The following PTK7 variants were observed in gnomAD, a reference collection of about 807,000 sequenced individuals.
PTK7 encodes the protein inactive tyrosine-protein kinase 7.
Under a neutral mutation model 116.6 loss-of-function variants are expected in PTK7, and 39 were observed. The observed-to-expected ratio is 0.33, with a 90% CI of 0.26 to 0.44. PTK7 has a LOEUF of 0.44. Ranked by LOEUF, PTK7 falls within the 20% of genes least tolerant of loss-of-function variation. The probability of loss-of-function intolerance (pLI) is 1.00; values close to 1 mark genes in which losing one functional copy is unlikely to be tolerated. For missense variants in PTK7, 1,169 were observed against 1,425.6 expected (o/e 0.82, Z 2.90); for synonymous variants, 546 against 563.6 (o/e 0.97, Z 0.44).
chr6:43,129,574 T>C lies in PTK7; in HGVS notation c.368-153T>C. On this transcript the variant is annotated intron_variant, in intron 2 of 19. Transcript: ENST00000230419. The surrounding 1 kb of genome is among the most constrained non-coding windows in gnomAD (Gnocchi z 4.5). Reference sequence around the variant, plus strand: ...GACCAGGCAGGCACTTAGTATCTGGTAACTGTAGCCCCAGCCTCAGCCTCC... The same window carrying C: ...GACCAGGCAGGCACTTAGTATCTGGCAACTGTAGCCCCAGCCTCAGCCTCC... 1.4e-6 allele frequency: 1 copy of C among 710,914 alleles called. No individual in the cohort carries two copies. The highest frequency in any genetic ancestry group is 1.9e-5 in the South Asian group (1 of 54,010). The allele number at this position is 710,914 out of a possible 1,614,324, so 44.0% of individuals were successfully genotyped here. A position where few individuals can be genotyped will look rare whatever the true frequency, so the allele number is the denominator to read the frequency against.
intron 17 of PTK7, among the ~76,000 whole-genome samples, chr6:43,148,842 C>T (rs1244287692): frequency 1.3e-5 from 2 of 150,914 alleles, no homozygotes; most frequent in Admixed American, 6.6e-5. Flanking sequence ...GGGCAGATCA[C>T]GAGGTCAGGA....
chr6:43,130,043 C>G (rs1222446759), intron 3 of PTK7, among the ~76,000 whole-genome samples, 187 bp from the exon 4 acceptor site: 1 of 152,000 alleles, frequency 6.6e-6, no homozygotes, highest in Non-Finnish European at 1.5e-5. Flanking sequence ...GCTGGGAGAT[C>G]TAATATCAAC....
intron 1 of PTK7, among the ~76,000 whole-genome samples, chr6:43,082,456 G>T (rs540579623): frequency 6.6e-6 from 1 of 152,024 alleles, no homozygotes; most frequent in Admixed American, 6.6e-5. Flanking sequence ...GATTACAGGC[G>T]TGAGCCACCG....
Position 43,076,367 on chromosome 6 carries a change from C to A in PTK7, c.-122C>A. The A allele has an allele frequency of 1.5e-6, 1 of 653,814 alleles. No individual in the cohort carries two copies. Among genetic ancestry groups the A allele is most frequent in the African/African-American group, 1.9e-5 (1 of 51,284 alleles). 40.5% of individuals were successfully genotyped at this position (653,814 alleles called of 1,614,324 possible). A position where few individuals can be genotyped will look rare whatever the true frequency, so the allele number is the denominator to read the frequency against. On this transcript the variant is annotated 5_prime_UTR_variant, in exon 1 of 20. Transcript: ENST00000230419. The surrounding 1 kb of genome is among the most constrained non-coding windows in gnomAD (Gnocchi z 5.7). ...CGCCTCGGGACGCCTCGGGGTCGGG[C>A]TCCGGCTGCGGCTGCTGCTGCGGCG...
At chr6:43,144,101 C>T (rs1445779198) in intron 14 of PTK7, among the ~76,000 whole-genome samples, 3 of 152,174 alleles carry the variant, frequency 2.0e-5, no homozygotes, top group Admixed American at 6.5e-5. Flanking sequence ...GTGATTTTCC[C>T]TTTGTGCCTG....
intron 17 of PTK7, among the ~76,000 whole-genome samples, chr6:43,155,118 A>G (rs952021109): frequency 2.0e-5 from 3 of 152,178 alleles, no homozygotes; most frequent in African/African-American, 7.2e-5. Flanking sequence ...CCCCCCATCA[A>G]GAGCCCTGCT....
intron 1 of PTK7, among the ~76,000 whole-genome samples, chr6:43,104,730 A>C (rs556683198): frequency 6.6e-6 from 1 of 151,888 alleles, no homozygotes; most frequent in Admixed American, 6.6e-5. Context: ...GCCCAGCCAC[A>C]AAGTATTATT....
chr6:43,135,596 T>C (rs1287414782), intron 7 of PTK7, among the ~76,000 whole-genome samples: 10 of 152,152 alleles, frequency 6.6e-5, no homozygotes, highest in Admixed American at 6.5e-4. Context: ...GAGCCAGCCA[T>C]GTGATAGGCC....
Position 43,160,802 on chromosome 6 carries a change from C to T in PTK7, c.3134C>T (p.Ala1045Val), listed in dbSNP as rs1771804071. 6.2e-7 allele frequency: 1 copy of T among 1,614,204 alleles called. No homozygotes were observed. The highest frequency in any genetic ancestry group is 2.2e-5 in the East Asian group (1 of 44,876). ...KLYRLMQRCW[A>V]LSPKDRPSFS... ...TATCGGCTGATGCAGCGCTGCTGGG[C>T]CCTCAGCCCCAAGGACCGGCCCTCC... Residue 1045 changes from alanine to valine, a missense_variant, in exon 20 of 20, where the codon GCC (alanine) becomes GTC (valine). Coordinates refer to ENST00000230419, the MANE Select transcript of PTK7 (RefSeq NM_002821.5).
intron 1 of PTK7, among the ~76,000 whole-genome samples, chr6:43,098,152 G>C (rs567925922): frequency 6.6e-6 from 1 of 152,214 alleles, no homozygotes; most frequent in Non-Finnish European, 1.5e-5. Context: ...GAGACATTCA[G>C]CATGAGCCCC....
At chr6:43,109,271 G>A (rs904279677) in intron 1 of PTK7, among the ~76,000 whole-genome samples, 2 of 152,022 alleles carry the variant, frequency 1.3e-5, no homozygotes, top group African/African-American at 4.8e-5. Flanking sequence ...GAACTCCGGG[G>A]CTCAAGCAAT....
chr6:43,112,693 T>C (rs993338238), intron 1 of PTK7, among the ~76,000 whole-genome samples: 7 of 151,536 alleles, frequency 4.6e-5, no homozygotes, highest in African/African-American at 1.7e-4. Context: ...GGATTACAGG[T>C]GTGAGCCACT....
intron 17 of PTK7, among the ~76,000 whole-genome samples, chr6:43,156,228 CAAAAAAAAA>C (rs5875828): frequency 2.1e-4 from 10 of 47,296 alleles, no homozygotes; most frequent in East Asian, 1.2e-3. Context: ...TACCCTGTCT[CAAAAAAAAA>C]AAAAAAAAAA....
Position 43,158,845 on chromosome 6 carries a change from G to T in PTK7, c.2750G>T (p.Gly917Val). The T allele has an allele frequency of 6.2e-7, 1 of 1,614,138 alleles. No individual in the cohort carries two copies. Among genetic ancestry groups the T allele is most frequent in the Non-Finnish European group, 8.5e-7 (1 of 1,179,998 alleles). ...KVALCTQVAL[G>V]MEHLSNNRFV... is the part of the protein sequence containing the mutation. ...GCCCTATGCACCCAGGTAGCCCTGG[G>T]CATGGAGCACCTGTCCAACAACCGC... Residue 917 changes from glycine to valine, a missense_variant, in exon 18 of 20, where the codon GGC becomes GTC. Physicochemically the swap from Gly to Val is moderately radical, Grantham distance 109 (BLOSUM62 -3). Coordinates refer to ENST00000230419, the MANE Select transcript of PTK7 (RefSeq NM_002821.5).
Position 43,138,949 on chromosome 6 carries a change from T to A in PTK7, c.1329T>A (p.Val443=), listed in dbSNP as rs770261822. 1 of 1,614,100 alleles carries A rather than the reference T, an allele frequency of 6.2e-7. No individual in the cohort carries two copies. Among genetic ancestry groups the A allele is most frequent in the Non-Finnish European group, 8.5e-7 (1 of 1,180,014 alleles). Residue 443 remains valine, a synonymous_variant, in exon 8 of 20, where the codon GTT becomes GTA. Coordinates refer to ENST00000230419, the MANE Select transcript of PTK7 (RefSeq NM_002821.5). ...CCCAGGCCACACCAAAACCTACAGT[T>A]GTCTGGTACAGAAACCAGATGCTCA... ...CLTQATPKPT[V]VWYRNQMLIS...
intron 1 of PTK7, among the ~76,000 whole-genome samples, chr6:43,087,928 T>C (rs1766746541): frequency 1.3e-5 from 2 of 152,098 alleles, no homozygotes; most frequent in Admixed American, 1.3e-4. Context: ...TGTAAAGATT[T>C]AGGAGGGAGA....
intron 17 of PTK7, among the ~76,000 whole-genome samples, chr6:43,151,839 C>A (rs1377226871): frequency 7.3e-6 from 1 of 136,832 alleles, no homozygotes. Flanking sequence ...GCCCAGCCCC[C>A]CCGCCCCCCG....
At chr6:43,107,433 T>G (rs1311854248) in intron 1 of PTK7, among the ~76,000 whole-genome samples, 1 of 152,246 alleles carries the variant, frequency 6.6e-6, no homozygotes, top group East Asian at 1.9e-4. Flanking sequence ...TTGTCTCGTT[T>G]CCTTATCTGC....
At chr6:43,090,837 C>T (rs2150378060) in intron 1 of PTK7, among the ~76,000 whole-genome samples, 1 of 152,300 alleles carries the variant, frequency 6.6e-6, no homozygotes, top group Middle Eastern at 3.4e-3. Context: ...AGAGGTTCCC[C>T]CCTCACTTCC....
Sources: gnomAD v4.1 joint callset for allele counts (sites outside exome capture counted in the v4.1 genomes callset) on GRCh38, gnomAD v4.1.1 for gene constraint, Gnocchi (gnomAD v3.1) non-coding constraint, MANE v1.5 for transcripts, NCBI Gene and HGNC (gene_info 2026-07-23, HGNC 2026-07-21) for gene names.